The following ZRANB3 variants were observed in gnomAD, a reference collection of about 807,000 sequenced individuals.
ZRANB3 encodes the protein zinc finger RANBP2-type containing 3.
A neutral mutation model predicts 133.8 loss-of-function variants in ZRANB3; 125 were observed. That is an observed-to-expected ratio of 0.93 (90% CI 0.81 to 1.08). The LOEUF (loss-of-function observed/expected upper bound fraction) is 1.08. Ranked by LOEUF, ZRANB3 falls within the 50% of genes least tolerant of loss-of-function variation. ZRANB3 has a pLI of 0.00. For missense variants in ZRANB3, 1,229 were observed against 1,275.5 expected, an observed-to-expected ratio of 0.96 and a Z score of 0.56; for synonymous variants, 387 against 432.7, an observed-to-expected ratio of 0.89 and a Z score of 1.31.
chr2:135,387,135 G>C (rs554452996), intron 3 of ZRANB3, among the ~76,000 whole-genome samples: 2 of 152,062 alleles, frequency 1.3e-5, no homozygotes, highest in South Asian at 2.1e-4. Flanking sequence ...AATACTCCAA[G>C]TGAGTATTCA....
chr2:135,275,910 C>T (rs1221080666), intron 8 of ZRANB3, among the ~76,000 whole-genome samples, 155 bp from the exon 9 acceptor site: 2 of 151,714 alleles, frequency 1.3e-5, no homozygotes, highest in Non-Finnish European at 2.9e-5. Flanking sequence ...TAGAAGCCCA[C>T]ATATAAGGAA....
At chr2:135,391,489 T>C (rs1426015249) in intron 2 of ZRANB3, among the ~76,000 whole-genome samples, 1 of 152,108 alleles carries the variant, frequency 6.6e-6, no homozygotes, top group Admixed American at 6.6e-5. Context: ...TGCATTAAAA[T>C]ATAAGAAAAT....
chr2:135,272,414 C>CTTGTTTTTTTTTTTTT (rs1680563250), intron 9 of ZRANB3, among the ~76,000 whole-genome samples: 1 of 107,774 alleles, frequency 9.3e-6, no homozygotes, highest in African/African-American at 4.5e-5. Flanking sequence ...GAAAATAGAG[C>CTTGTTTTTTTTTTTTT]TTTTTTTTTT....
intron 17 of ZRANB3, among the ~76,000 whole-genome samples, chr2:135,216,221 T>C (rs1362083913): frequency 6.6e-6 from 1 of 152,162 alleles, no homozygotes; most frequent in African/African-American, 2.4e-5. Flanking sequence ...TATGGAACTA[T>C]CATAATTTAT....
intron 2 of ZRANB3, among the ~76,000 whole-genome samples, chr2:135,490,974 T>C (rs1692345507): frequency 6.6e-6 from 1 of 152,062 alleles, no homozygotes; most frequent in East Asian, 1.9e-4. Context: ...TAGTGGCTAC[T>C]AGTGGTTGGG....
chr2:135,458,167 T>C (rs1454317349), intron 2 of ZRANB3, among the ~76,000 whole-genome samples: 11 of 152,252 alleles, frequency 7.2e-5, no homozygotes, highest in African/African-American at 2.6e-4. Flanking sequence ...TCTCCCCCAA[T>C]GAGTAAGCAT....
intron 15 of ZRANB3, among the ~76,000 whole-genome samples, chr2:135,220,854 A>ATT (rs199874707): frequency 0.046 from 6,616 of 144,848 alleles, 721 homozygotes; most frequent in African/African-American, 0.17. Context: ...TGAACTAGGA[A>ATT]TTTATTTTTT....
intron 2 of ZRANB3, among the ~76,000 whole-genome samples, chr2:135,444,319 A>G (rs964071779): frequency 2.6e-5 from 4 of 152,204 alleles, no homozygotes; most frequent in Non-Finnish European, 5.9e-5. Flanking sequence ...ATTGCATGGG[A>G]ATGTTCATAA....
Position 135,391,847 on chromosome 2 carries a change from G to A in ZRANB3, c.162-1027C>T, listed in dbSNP as rs1265891439. ...ACCCACCTCGGCCTCCCAAAGTGCT[G>A]GGATTACAGGTGTGAGCCACCGCGC... is the stretch of plus-strand genomic sequence containing the variant. On this transcript the variant is annotated intron_variant, in intron 2 of 20. Transcript: ENST00000264159. Among the ~76,000 whole-genome samples, 4 of 152,224 alleles carry A rather than the reference G, an allele frequency of 2.6e-5. No individual in the cohort carries two copies. In the East Asian group the frequency reaches 5.8e-4, roughly 22 times the overall value.
chr2:135,375,611 G>C (rs1259289231), intron 3 of ZRANB3, among the ~76,000 whole-genome samples: 1 of 152,112 alleles, frequency 6.6e-6, no homozygotes, highest in Non-Finnish European at 1.5e-5. Context: ...CGTGAACCTG[G>C]GAGGCGGAGC....
intron 2 of ZRANB3, among the ~76,000 whole-genome samples, chr2:135,422,333 G>A (rs1226598633): frequency 6.6e-6 from 1 of 152,050 alleles, no homozygotes; most frequent in Non-Finnish European, 1.5e-5. Flanking sequence ...AGCCATGAAT[G>A]ATATATCTTG....
intron 5 of ZRANB3, among the ~76,000 whole-genome samples, chr2:135,346,452 G>A (rs1684930315): frequency 1.3e-5 from 2 of 152,016 alleles, no homozygotes. Context: ...ATAACTGTGT[G>A]TGTATATATA....
chr2:135,419,001 G>C (rs1011423215), intron 2 of ZRANB3, among the ~76,000 whole-genome samples: 1 of 136,944 alleles, frequency 7.3e-6, no homozygotes, highest in Non-Finnish European at 1.5e-5. Flanking sequence ...GCAGTGGTGC[G>C]ATCTCGGCTC....
chr2:135,267,292 G>A (rs1680296885), intron 11 of ZRANB3, among the ~76,000 whole-genome samples: 1 of 152,104 alleles, frequency 6.6e-6, no homozygotes, highest in Non-Finnish European at 1.5e-5. Flanking sequence ...GACAGCACAG[G>A]TCATCTCATG....
intron 1 of ZRANB3, chr2:135,510,844 C>G: frequency 1.1e-6 from 1 of 943,008 alleles, no homozygotes; most frequent in Non-Finnish European, 1.8e-6. Context: ...TGCAACTCCA[C>G]CACGTTCCCA....
At chr2:135,471,612 T>C (rs919798073) in intron 2 of ZRANB3, among the ~76,000 whole-genome samples, 4 of 152,184 alleles carry the variant, frequency 2.6e-5, no homozygotes, top group African/African-American at 9.7e-5. Flanking sequence ...TAAAGAAAGG[T>C]AATTAGGCAG....
At chr2:135,411,484 C>G (rs1035453631) in intron 2 of ZRANB3, among the ~76,000 whole-genome samples, 2 of 152,140 alleles carry the variant, frequency 1.3e-5, no homozygotes, top group African/African-American at 2.4e-5. Context: ...TATCACAGCA[C>G]TATCTACAAT....
chr2:135,496,108 C>T (rs182577120), intron 2 of ZRANB3, among the ~76,000 whole-genome samples: 19 of 152,124 alleles, frequency 1.2e-4, no homozygotes, highest in South Asian at 4.2e-4. Flanking sequence ...ACTGGCCAGG[C>T]GTGGTGGCTC....
At chr2:135,426,333 T>C (rs555089898) in intron 2 of ZRANB3, among the ~76,000 whole-genome samples, 2 of 152,278 alleles carry the variant, frequency 1.3e-5, no homozygotes, top group Admixed American at 1.3e-4. Context: ...TAACTCATTC[T>C]ATGAGGCCAG....
Sources: gnomAD v4.1 joint callset for allele counts (sites outside exome capture counted in the v4.1 genomes callset) on GRCh38, gnomAD v4.1.1 for gene constraint, MANE v1.5 for transcripts, NCBI Gene and HGNC (gene_info 2026-07-23, HGNC 2026-07-21) for gene names.